The following TSPEAR variants were observed in gnomAD, a reference collection of about 807,000 sequenced individuals.
The protein encoded by TSPEAR is thrombospondin type laminin G domain and EAR repeats.
Under a neutral mutation model 71.6 loss-of-function variants are expected in TSPEAR, and 69 were observed. That is an observed-to-expected ratio of 0.96 (90% CI 0.79 to 1.18). TSPEAR has a LOEUF of 1.18. Ranked by LOEUF, TSPEAR falls within the 50% of genes most tolerant of loss-of-function variation. The pLI is 0.00. For synonymous variants in TSPEAR, 402 were observed against 387.2 expected, an observed-to-expected ratio of 1.04 and a Z score of -0.45; for missense variants, 971 against 894.9, an observed-to-expected ratio of 1.09 and a Z score of -1.09.
At chr21:44,670,236 G>T (rs781888553) in intron 1 of TSPEAR, among the ~76,000 whole-genome samples, 11 of 152,198 alleles carry the variant, frequency 7.2e-5, no homozygotes, top group Non-Finnish European at 1.5e-4. Flanking sequence ...GTGTCAGGTA[G>T]TGGGTTCATG....
intron 11 of TSPEAR, among the ~76,000 whole-genome samples, chr21:44,500,206 C>A (rs1194080568): frequency 1.3e-5 from 2 of 152,232 alleles, no homozygotes; most frequent in African/African-American, 4.8e-5. Flanking sequence ...AGATCCTAAC[C>A]CCGGGGACCC....
At chr21:44,692,307 TC>T (rs1987155408) in intron 1 of TSPEAR, among the ~76,000 whole-genome samples, 1 of 152,154 alleles carries the variant, frequency 6.6e-6, no homozygotes, top group Non-Finnish European at 1.5e-5. Flanking sequence ...AGACAGGATG[TC>T]CCTTTTCACC....
chr21:44,665,969 G>A (rs587723877), intron 1 of TSPEAR, among the ~76,000 whole-genome samples: 209 of 152,328 alleles, frequency 1.4e-3, no homozygotes, highest in African/African-American at 4.8e-3. Context: ...CTCTACCACA[G>A]GCGGGTAAGT....
intron 1 of TSPEAR, chr21:44,580,546 G>A (rs139901000): frequency 9.9e-6 from 16 of 1,613,472 alleles, no homozygotes; most frequent in African/African-American, 5.3e-5. Context: ...CAGAGCAAGC[G>A]CTGGAGCAGA....
chr21:44,611,719 C>G (rs1555930962), intron 1 of TSPEAR, among the ~76,000 whole-genome samples: 1 of 152,098 alleles, frequency 6.6e-6, no homozygotes, highest in Non-Finnish European at 1.5e-5. Flanking sequence ...GTACCAAATA[C>G]CCCAATAGCA....
At chr21:44,589,223 A>C (rs1372179424) in intron 1 of TSPEAR, among the ~76,000 whole-genome samples, 3 of 152,254 alleles carry the variant, frequency 2.0e-5, no homozygotes, top group Non-Finnish European at 4.4e-5. Context: ...ACTAAGCATC[A>C]TGCTTTCAAG....
At chr21:44,591,227 C>T in intron 1 of TSPEAR, 1 of 1,417,474 alleles carries the variant, frequency 7.1e-7, no homozygotes, top group Non-Finnish European at 9.4e-7. Context: ...GTCTCTCATG[C>T]AGCCAGCATC....
intron 10 of TSPEAR, 144 bp downstream of exon 10, chr21:44,509,055 G>C: frequency 1.5e-6 from 2 of 1,378,190 alleles, no homozygotes; most frequent in Admixed American, 4.1e-5. Flanking sequence ...CCACAGGAAG[G>C]TCCCCAGGCC....
At chr21:44,553,354 A>C (rs587634957) in intron 2 of TSPEAR, among the ~76,000 whole-genome samples, 4 of 152,362 alleles carry the variant, frequency 2.6e-5, no homozygotes, top group African/African-American at 9.6e-5. Context: ...AAAATAAAAA[A>C]TGTTGAAGAT....
intron 1 of TSPEAR, among the ~76,000 whole-genome samples, chr21:44,568,377 A>G (rs2053734039): frequency 6.6e-6 from 1 of 152,202 alleles, no homozygotes; most frequent in Non-Finnish European, 1.5e-5. Context: ...CCCCAAAGGA[A>G]ACGCAGGAAG....
rs1263051888 is a variant in TSPEAR at position 44,557,915 on chromosome 21, C to T, written c.303+9870G>A. 4.7e-6 allele frequency: 5 copies of T among 1,062,678 alleles called. No individual in the cohort carries two copies. The East Asian group carries it at 1.3e-4, about 27-fold the overall frequency. 65.8% of individuals were successfully genotyped at this position (1,062,678 alleles called of 1,614,324 possible). ...GAGATGCATGCCTGGAGGGAATCGG[C>T]ATGAAAGCTCAGCATTGCTGGCTGG... On this transcript the variant is annotated intron_variant, in intron 2 of 11. Coordinates refer to ENST00000323084, the MANE Select transcript of TSPEAR (RefSeq NM_144991.3).
rs145473900 is a variant in TSPEAR, at chr21:44,657,578, A to C, written c.82+53855T>G. 4.8e-3 allele frequency among the ~76,000 whole-genome samples: 729 copies of C among 152,326 alleles called. 4 individuals are homozygous for C. The highest frequency in any genetic ancestry group is 0.017 in the African/African-American group (709 of 41,568). ...TATGCTTTAAAGTTTTACTCTACAA[A>C]ATTAAAGCTCAAAATACATTATTGC... On this transcript the variant is annotated intron_variant, in intron 1 of 11. Coordinates refer to ENST00000323084, the MANE Select transcript of TSPEAR (RefSeq NM_144991.3).
At chr21:44,608,096 C>T (rs1195759477) in intron 1 of TSPEAR, among the ~76,000 whole-genome samples, 1 of 152,070 alleles carries the variant, frequency 6.6e-6, no homozygotes, top group Non-Finnish European at 1.5e-5. Flanking sequence ...CCTGGGAACT[C>T]GGAGATGATG....
rs587695515 is a variant in TSPEAR at position 44,588,215 on chromosome 21, G to A, written c.83-20210C>T. ...ACAATCCCATCAAAAAGTGGGCTAA[G>A]GACATGAATGGACAATTCTCAAAAG... is the stretch of plus-strand genomic sequence containing the variant. On this transcript the variant is annotated intron_variant, in intron 1 of 11. Transcript: ENST00000323084. Among the ~76,000 whole-genome samples the A allele has an allele frequency of 2.0e-5, 3 of 152,258 alleles. No homozygotes were observed. The South Asian group carries it at 6.2e-4, about 32-fold the overall frequency.
At chr21:44,636,867 T>A (rs4818946) in intron 1 of TSPEAR, among the ~76,000 whole-genome samples, 93,467 of 152,140 alleles carry the variant, frequency 0.61, 29,450 homozygotes, top group Admixed American at 0.68. Flanking sequence ...GGGGAGGTCC[T>A]CCCTGTCCTC....
intron 1 of TSPEAR, among the ~76,000 whole-genome samples, chr21:44,647,864 A>G (rs2146243199): frequency 6.6e-6 from 1 of 152,364 alleles, no homozygotes; most frequent in Non-Finnish European, 1.5e-5. Context: ...TGAGCCTCCA[A>G]GCTGAGCCAG....
rs587623504 is a variant in TSPEAR at position 44,654,484 on chromosome 21, A to C, written c.82+56949T>G. 2.0e-5 allele frequency: 33 copies of C among 1,613,930 alleles called. No homozygotes were observed. The African/African-American group carries it at 4.1e-4, about 20-fold the overall frequency. ...TACCCCACACAGGGGCCGGCACAGC[A>C]GAGCCACACAGGGGGCTGAGCAGCA... On this transcript the variant is annotated intron_variant, in intron 1 of 11. Transcript: ENST00000323084.
rs1555915522 is a variant in TSPEAR, at chr21:44,529,911, G to A, written c.677C>T (p.Thr226Ile). 1.2e-6 allele frequency: 2 copies of A among 1,611,554 alleles called. No homozygotes were observed. The highest frequency in any genetic ancestry group is 1.7e-5 in the Admixed American group (1 of 59,916). The change falls in exon 5 of 12, where the codon ACC becomes ATC. Residue 226 changes from threonine (T) to isoleucine (I), a missense_variant. Physicochemically the swap from Thr to Ile is moderately conservative, Grantham distance 89. Transcript: ENST00000323084. ...GTTCCTGCTGGGACACAGCCTTGGG[G>A]TGGCGTCTGAGCCCGGCAGCAGGAC... is the stretch of plus-strand genomic sequence containing the variant. The part of the protein sequence containing the change: ...QLVLLPGSDA[T>I]PRLCPSRNAP...
chr21:44,651,996 T>TC (rs1227370208), intron 1 of TSPEAR, among the ~76,000 whole-genome samples: 5 of 140,216 alleles, frequency 3.6e-5, no homozygotes, highest in Non-Finnish European at 7.9e-5. Context: ...TTTTTTTTTT[T>TC]TTTTTGAAAC....
Sources: allele counts gnomAD v4.1 joint callset (sites outside exome capture counted in the v4.1 genomes callset), GRCh38; gene constraint gnomAD v4.1.1; transcripts MANE v1.5; gene names NCBI Gene and HGNC (gene_info 2026-07-23, HGNC 2026-07-21).